PRDM10: variants seen among roughly 807,000 people sequenced by gnomAD.
The protein encoded by PRDM10 is PR/SET domain 10.
Under a neutral mutation model 133.1 loss-of-function variants are expected in PRDM10, and 65 were observed. The observed-to-expected ratio is 0.49, with a 90% CI of 0.40 to 0.60. PRDM10 has a LOEUF of 0.60. Among genes scored for constraint, PRDM10 ranks in the 20% least tolerant of loss-of-function variants. The pLI, the probability that PRDM10 is intolerant of heterozygous loss-of-function variation, is 0.00. For synonymous variants in PRDM10, 582 were observed against 580.4 expected (o/e 1.00, Z -0.04); for missense variants, 1,137 against 1,507.1 (o/e 0.75, Z 4.07).
chr11:129,957,428 C>G (rs1951716084), intron 3 of PRDM10, among the ~76,000 whole-genome samples: 1 of 152,126 alleles, frequency 6.6e-6, no homozygotes, highest in East Asian at 1.9e-4. Context: ...AAGCAATTCT[C>G]TGCCTCAGCC....
chr11:129,952,205 GC>G lies in PRDM10; in HGVS notation c.294+3306del, dbSNP rs571295648. Among the ~76,000 whole-genome samples, 420 of 152,212 alleles carry G rather than the reference GC, an allele frequency of 2.8e-3. 2 individuals are homozygous for G. The highest frequency in any genetic ancestry group is 9.7e-3 in the African/African-American group (402 of 41,542). ...TTCTGGAGATTGGAAAAGATGAAGG[GC>G]CCTTTGAAGTGCAAATGGCAACGAA... On this transcript the variant is annotated intron_variant, in intron 4 of 20. Transcript: ENST00000360871.
chr11:129,950,351 C>T lies in PRDM10; in HGVS notation c.295-2981G>A, dbSNP rs138348123. Among the ~76,000 whole-genome samples, 380 of 152,320 alleles carry T rather than the reference C, an allele frequency of 2.5e-3. 2 individuals carry two copies. Among genetic ancestry groups the T allele is most frequent in the Middle Eastern group, 3.4e-3 (1 of 294 alleles). ...TTTGAAACACTCTGTCTCCAGAAAG[C>T]AGATCAAACCGGTTATCTCAAACTG... On this transcript the variant is annotated intron_variant, in intron 4 of 20. Coordinates refer to ENST00000360871, the MANE Select transcript of PRDM10 (RefSeq NM_199437.2).
At chr11:129,938,850 T>C (rs573545117) in intron 7 of PRDM10, among the ~76,000 whole-genome samples, 55 of 152,292 alleles carry the variant, frequency 3.6e-4, no homozygotes, top group South Asian at 1.0e-3. Flanking sequence ...AAAAGCAAAC[T>C]CAGCCCTTGT....
At chr11:129,926,259 A>G (rs958096487) in intron 11 of PRDM10, among the ~76,000 whole-genome samples, 2 of 152,144 alleles carry the variant, frequency 1.3e-5, no homozygotes, top group Non-Finnish European at 2.9e-5. Flanking sequence ...TGGAAAATCT[A>G]CTCATGCTCT....
intron 4 of PRDM10, among the ~76,000 whole-genome samples, chr11:129,951,421 G>A (rs1951579555): frequency 6.6e-6 from 1 of 152,166 alleles, no homozygotes; most frequent in Admixed American, 6.5e-5. Context: ...ATGTCCCTGA[G>A]GTCATAGCCA....
rs1950589279 is a variant in PRDM10, at chr11:129,923,684, G to GAGAGAA, written c.1879-282_1879-281insTTCTCT. 6.6e-6 allele frequency among the ~76,000 whole-genome samples: 1 copy of GAGAGAA among 150,444 alleles called. No homozygotes were observed. Among genetic ancestry groups the GAGAGAA allele is most frequent in the South Asian group, 2.1e-4 (1 of 4,772 alleles). On this transcript the variant is annotated intron_variant, in intron 12 of 20. Transcript: ENST00000360871. This position sits in a 1 kb window ranked among gnomAD's most constrained non-coding sequence, Gnocchi z 4.4. ...AGAGAGAGAGAGAGAGAGAGAGAGAGAGAGAGAGAGTGCTTGCTTGGTCAA... is the reference window on the plus strand; with the variant it reads ...AGAGAGAGAGAGAGAGAGAGAGAGAGAGAGAAAGAGAGAGAGTGCTTGCTTGGTCAA...
At chr11:129,920,594 C>G (rs1950495665) in intron 13 of PRDM10, among the ~76,000 whole-genome samples, 1 of 151,878 alleles carries the variant, frequency 6.6e-6, no homozygotes, top group Non-Finnish European at 1.5e-5. Context: ...TTCCTCTTGC[C>G]ACACCCTCCA....
intron 7 of PRDM10, among the ~76,000 whole-genome samples, chr11:129,940,750 T>C (rs1042308729): frequency 6.6e-6 from 1 of 152,240 alleles, no homozygotes; most frequent in African/African-American, 2.4e-5. Flanking sequence ...ATAAAGTCAA[T>C]TCCTGACATT....
intron 1 of PRDM10, among the ~76,000 whole-genome samples, chr11:129,979,587 T>C (rs1448186468): frequency 1.3e-5 from 2 of 152,206 alleles, no homozygotes; most frequent in Non-Finnish European, 2.9e-5. Context: ...CCCCAGCAAC[T>C]TGAAACTACT....
At position 129,945,506 on chromosome 11, in the gene PRDM10, C is replaced by A. The variant is rs1444739273; in HGVS notation, c.521-494G>T. 1.3e-5 allele frequency among the ~76,000 whole-genome samples: 2 copies of A among 152,160 alleles called. No individual in the cohort carries two copies. The highest frequency in any genetic ancestry group is 1.3e-4 in the Admixed American group (2 of 15,274). On this transcript the variant is annotated intron_variant, in intron 5 of 20. Coordinates refer to ENST00000360871, the MANE Select transcript of PRDM10 (RefSeq NM_199437.2). This position sits in a 1 kb window ranked among gnomAD's most constrained non-coding sequence, Gnocchi z 4.2. Reference sequence around the variant, plus strand: ...AGAAGTCTTATATCTCAGCCTAACTCAAACGGAAAAAGGGTTGTGCGGTCT... The same window carrying A: ...AGAAGTCTTATATCTCAGCCTAACTAAAACGGAAAAAGGGTTGTGCGGTCT...
At chr11:129,903,123 C>T (rs758185285) in intron 20 of PRDM10, among the ~76,000 whole-genome samples, 4 of 151,868 alleles carry the variant, frequency 2.6e-5, no homozygotes, top group Non-Finnish European at 5.9e-5. Flanking sequence ...GAAGAAACTC[C>T]GTCTCTACTA....
At chr11:129,977,882 G>A (rs1434519619) in intron 1 of PRDM10, among the ~76,000 whole-genome samples, 2 of 152,046 alleles carry the variant, frequency 1.3e-5, no homozygotes, top group Admixed American at 6.6e-5. Flanking sequence ...GTTTGAGCAC[G>A]GAAGGTTGAG....
intron 1 of PRDM10, among the ~76,000 whole-genome samples, chr11:129,966,833 G>A (rs1951917064): frequency 6.6e-6 from 1 of 152,114 alleles, no homozygotes; most frequent in African/African-American, 2.4e-5. Context: ...TGTGCCCTCT[G>A]TTAAGAAACG....
At chr11:129,999,355 T>C (rs2136013626) in intron 1 of PRDM10, among the ~76,000 whole-genome samples, 1 of 152,334 alleles carries the variant, frequency 6.6e-6, no homozygotes, top group East Asian at 1.9e-4. Context: ...CATTTCTTTT[T>C]GGCTCTTTCT....
At chr11:129,927,894 C>G (rs79214950) in intron 11 of PRDM10, among the ~76,000 whole-genome samples, 1 of 149,610 alleles carries the variant, frequency 6.7e-6, no homozygotes, top group Non-Finnish European at 1.5e-5. Flanking sequence ...TGACAAATGT[C>G]GGAGAGAGCG....
intron 1 of PRDM10, among the ~76,000 whole-genome samples, chr11:129,962,539 G>A (rs982943221): frequency 1.3e-5 from 2 of 152,232 alleles, no homozygotes; most frequent in East Asian, 1.9e-4. Context: ...AGAATGCCAC[G>A]TCCACCAACA....
chr11:129,918,808 G>A lies in PRDM10; in HGVS notation c.2035-90C>T. The A allele has an allele frequency of 4.6e-6, 6 of 1,292,444 alleles. No individual in the cohort carries two copies. Among genetic ancestry groups the A allele is most frequent in the Non-Finnish European group, 5.4e-6 (5 of 925,822 alleles). The allele number at this position is 1,292,444 out of a possible 1,614,324, so 80.1% of individuals were successfully genotyped here. The stretch of plus-strand genomic sequence containing the variant: ...TCATTTTAAAAATCAATACAAATTA[G>A]CAGTCACCACAAGCCTCCAAGAGAC... On this transcript the variant is annotated intron_variant, in intron 13 of 20. Transcript: ENST00000360871. This position sits in a 1 kb window ranked among gnomAD's most constrained non-coding sequence, Gnocchi z 5.3.
At position 129,944,955 on chromosome 11, in the gene PRDM10, T is replaced by C. The variant is rs1338451442; in HGVS notation, c.578A>G (p.His193Arg). The change falls in exon 6 of 21, where the codon CAC (histidine) becomes CGC (arginine). Residue 193 changes from histidine to arginine, a missense_variant. By Grantham distance (29) the His-to-Arg change is conservative (BLOSUM62 0). This residue lies in a region of PRDM10 where 635 missense variants were observed against 835.2 expected (regional missense o/e 0.76). Coordinates refer to ENST00000360871, the MANE Select transcript of PRDM10 (RefSeq NM_199437.2). ...ASVCPKHGPL[H>R]PIPNRPVLTR... Reference sequence around the variant, plus strand: ...GAGCACCGGCCGGTTGGGGATCGGGTGCAAGGGGCCGTGCTTCGGACACAC... The same window carrying C: ...GAGCACCGGCCGGTTGGGGATCGGGCGCAAGGGGCCGTGCTTCGGACACAC... 1 of 1,613,538 alleles carries C rather than the reference T, an allele frequency of 6.2e-7. No individual in the cohort carries two copies. The highest frequency in any genetic ancestry group is 8.5e-7 in the Non-Finnish European group (1 of 1,179,924).
intron 1 of PRDM10, among the ~76,000 whole-genome samples, chr11:129,971,707 T>A (rs1369616042): frequency 6.6e-6 from 1 of 152,222 alleles, no homozygotes; most frequent in African/African-American, 2.4e-5. Context: ...GTGTTTACAA[T>A]CCCTGAGGTA....
Sources: allele counts gnomAD v4.1 joint callset (sites outside exome capture counted in the v4.1 genomes callset), GRCh38; gene constraint gnomAD v4.1.1; regional missense constraint gnomAD v4.1.1; non-coding constraint Gnocchi (gnomAD v3.1); transcripts MANE v1.5; gene names NCBI Gene and HGNC (gene_info 2026-07-23, HGNC 2026-07-21).